Variants in MAGI1 observed in about 807,000 individuals in gnomAD.
MAGI1 encodes the protein membrane associated guanylate kinase, WW and PDZ domain containing 1.
A neutral mutation model predicts 139.9 loss-of-function variants in MAGI1; 58 were observed. The observed-to-expected ratio is 0.41, with a 90% CI of 0.34 to 0.52. The LOEUF (loss-of-function observed/expected upper bound fraction) is 0.52, where lower values mean the gene tolerates loss of function less well. Among genes scored for constraint, MAGI1 ranks in the 20% least tolerant of loss-of-function variants. MAGI1 has a pLI of 0.12. For synonymous variants in MAGI1, 812 were observed against 737.9 expected, an observed-to-expected ratio of 1.10 and a Z score of -1.63; for missense variants, 1,874 against 1,901.6, an observed-to-expected ratio of 0.99 and a Z score of 0.27.
chr3:65,610,746 A>ATAC (rs150463818), intron 2 of MAGI1, among the ~76,000 whole-genome samples: 1 of 95,804 alleles, frequency 1.0e-5, no homozygotes, highest in Admixed American at 1.0e-4. Context: ...TATATAGTAT[A>ATAC]TATACAGTAT....
intron 1 of MAGI1, among the ~76,000 whole-genome samples, chr3:65,970,451 T>C (rs923593117): frequency 6.6e-6 from 1 of 151,402 alleles, no homozygotes; most frequent in African/African-American, 2.4e-5. Context: ...ACATAACTAA[T>C]GCCACAGAAG....
intron 1 of MAGI1, among the ~76,000 whole-genome samples, chr3:65,837,122 TA>T (rs1471900219): frequency 6.6e-6 from 1 of 151,388 alleles, no homozygotes; most frequent in Admixed American, 6.6e-5. Flanking sequence ...GCAAAAAAAA[TA>T]AAAAAATAAA....
intron 2 of MAGI1, among the ~76,000 whole-genome samples, chr3:65,571,576 C>G (rs560008233): frequency 1.4e-3 from 209 of 151,866 alleles, no homozygotes; most frequent in African/African-American, 4.8e-3. Context: ...TCAGAAAAAG[C>G]GATAAGCAAC....
At chr3:65,844,491 G>A (rs749372755) in intron 1 of MAGI1, 3 of 322,324 alleles carry the variant, frequency 9.3e-6, no homozygotes, top group Non-Finnish European at 1.8e-5. Flanking sequence ...TAAATGTCTC[G>A]AGAACACTAC....
chr3:65,371,017 A>G (rs1941932582), intron 18 of MAGI1, among the ~76,000 whole-genome samples: 1 of 152,212 alleles, frequency 6.6e-6, no homozygotes, highest in Admixed American at 6.5e-5. Flanking sequence ...GTCGCTTCTG[A>G]GTATTTATGT....
rs765991946 is a variant in MAGI1 at position 65,391,094 on chromosome 3, A to G, written c.2416+48T>C. 29 of 1,475,266 alleles carry G rather than the reference A, an allele frequency of 2.0e-5. No homozygotes were observed. The South Asian group carries it at 2.7e-4, about 14-fold the overall frequency. The allele number at this position is 1,475,266 out of a possible 1,614,324, so 91.4% of individuals were successfully genotyped here. A position where few individuals can be genotyped will look rare whatever the true frequency, so the allele number is the denominator to read the frequency against. Reference sequence around the variant, plus strand: ...TCAATAACCTTCAAGAGAAAGGTAGAGCCCTGCGGAGGGGTCAGGGTAAGA... The same window carrying G: ...TCAATAACCTTCAAGAGAAAGGTAGGGCCCTGCGGAGGGGTCAGGGTAAGA... On this transcript the variant is annotated intron_variant, in intron 14 of 22. Transcript: ENST00000402939.
intron 18 of MAGI1, among the ~76,000 whole-genome samples, chr3:65,369,143 C>G (rs1038658038): frequency 6.6e-5 from 10 of 152,148 alleles, no homozygotes; most frequent in Admixed American, 5.2e-4. Context: ...CATTGTCCAC[C>G]CTGGTCCCAA....
At chr3:65,787,403 G>C (rs1159115508) in intron 1 of MAGI1, among the ~76,000 whole-genome samples, 1 of 151,782 alleles carries the variant, frequency 6.6e-6, no homozygotes, top group Non-Finnish European at 1.5e-5. Flanking sequence ...TTAGTGAACA[G>C]TCTACTGTCA....
chr3:65,818,027 A>G (rs1220037977), intron 1 of MAGI1, among the ~76,000 whole-genome samples: 6 of 147,756 alleles, frequency 4.1e-5, no homozygotes, highest in African/African-American at 7.5e-5. Context: ...TTAGAAAACA[A>G]CTAAGTAAAA....
At chr3:65,708,102 T>G (rs554732095) in intron 1 of MAGI1, among the ~76,000 whole-genome samples, 1 of 152,216 alleles carries the variant, frequency 6.6e-6, no homozygotes, top group African/African-American at 2.4e-5. Flanking sequence ...ACCCACTTCC[T>G]GGAGTTGAAA....
chr3:65,728,144 G>A (rs1431040278), intron 1 of MAGI1, among the ~76,000 whole-genome samples: 4 of 152,148 alleles, frequency 2.6e-5, no homozygotes, highest in Admixed American at 2.0e-4. Flanking sequence ...CTAAGGAGGT[G>A]GCATAGGAAC....
intron 1 of MAGI1, among the ~76,000 whole-genome samples, chr3:65,692,435 T>C (rs985741971): frequency 1.3e-5 from 2 of 152,158 alleles, no homozygotes; most frequent in African/African-American, 4.8e-5. Flanking sequence ...CAAACTCATA[T>C]GTTGAAGTCC....
chr3:65,808,339 A>T (rs567400979), intron 1 of MAGI1, among the ~76,000 whole-genome samples: 1 of 151,984 alleles, frequency 6.6e-6, no homozygotes, highest in Non-Finnish European at 1.5e-5. Flanking sequence ...TGTCTCTATT[A>T]AAAAATACAA....
At chr3:65,363,347 A>T in intron 21 of MAGI1, 118 bp downstream of exon 21, 1 of 1,237,184 alleles carries the variant, frequency 8.1e-7, no homozygotes, top group Non-Finnish European at 1.1e-6. Flanking sequence ...CACTTAAGAG[A>T]ATCATGAAAG....
chr3:65,509,959 G>C (rs1264543745), intron 2 of MAGI1, among the ~76,000 whole-genome samples: 4 of 152,194 alleles, frequency 2.6e-5, no homozygotes, highest in Non-Finnish European at 4.4e-5. Context: ...GGAGATCTGA[G>C]AACCGGCAGA....
At chr3:65,566,717 T>C (rs1202853254) in intron 2 of MAGI1, among the ~76,000 whole-genome samples, 2 of 152,272 alleles carry the variant, frequency 1.3e-5, no homozygotes, top group Non-Finnish European at 1.5e-5. Context: ...AGACAATATA[T>C]TTTTAAATGT....
chr3:65,470,170 A>G (rs1470340760), intron 5 of MAGI1, 113 bp downstream of exon 5: 1 of 667,940 alleles, frequency 1.5e-6, no homozygotes, highest in African/African-American at 1.8e-5. Context: ...AAAAAATACC[A>G]TCAGTGGGTG....
chr3:65,710,192 C>G (rs940462749), intron 1 of MAGI1, among the ~76,000 whole-genome samples: 3 of 149,616 alleles, frequency 2.0e-5, no homozygotes, highest in Non-Finnish European at 3.0e-5. Context: ...GACAAGCGAT[C>G]AGTGAAAAGG....
intron 2 of MAGI1, among the ~76,000 whole-genome samples, chr3:65,605,219 C>T (rs886949834): frequency 1.3e-5 from 2 of 152,210 alleles, no homozygotes; most frequent in African/African-American, 4.8e-5. Context: ...TAAAATTGCA[C>T]AATTTACAAT....
Sources: gnomAD v4.1 joint callset for allele counts (sites outside exome capture counted in the v4.1 genomes callset) on GRCh38, gnomAD v4.1.1 for gene constraint, MANE v1.5 for transcripts, NCBI Gene and HGNC (gene_info 2026-07-23, HGNC 2026-07-21) for gene names.